Variants in PTPRD observed in about 807,000 individuals in gnomAD.
PTPRD encodes the protein receptor-type tyrosine-protein phosphatase delta.
A neutral mutation model predicts 214.5 loss-of-function variants in PTPRD; 34 were observed. The ratio of observed to expected loss-of-function variants is 0.16; its 90% CI spans 0.12 to 0.21. The LOEUF (loss-of-function observed/expected upper bound fraction) is 0.21, where lower values mean the gene tolerates loss of function less well. Ranked by LOEUF, PTPRD falls within the 10% of genes least tolerant of loss-of-function variation. PTPRD has a pLI of 1.00. For missense variants in PTPRD, 2,545 were observed against 2,398.7 expected, an observed-to-expected ratio of 1.06 and a Z score of -1.27; for synonymous variants, 1,128 against 845.7, an observed-to-expected ratio of 1.33 and a Z score of -5.79.
intron 8 of PTPRD, among the ~76,000 whole-genome samples, chr9:9,555,426 C>T (rs1264918566): frequency 6.6e-6 from 1 of 151,994 alleles, no homozygotes; most frequent in East Asian, 1.9e-4. Context: ...ATAAATAACC[C>T]TGTAGAGTGA....
chr9:9,853,401 C>T (rs555592613), intron 5 of PTPRD, among the ~76,000 whole-genome samples: 2 of 152,210 alleles, frequency 1.3e-5, no homozygotes, highest in African/African-American at 4.8e-5. Flanking sequence ...TGTTTCAGGA[C>T]CATATGAAAA....
intron 33 of PTPRD, chr9:8,454,706 G>C: frequency 1.7e-6 from 2 of 1,151,818 alleles, no homozygotes; most frequent in Non-Finnish European, 2.5e-6. Context: ...TCACAAGCAA[G>C]GACACATAAC....
chr9:9,536,204 G>C (rs553432831), intron 8 of PTPRD, among the ~76,000 whole-genome samples: 1 of 151,858 alleles, frequency 6.6e-6, no homozygotes, highest in South Asian at 2.1e-4. Flanking sequence ...ACATATTTTT[G>C]TATGTATCTC....
chr9:9,128,327 A>T (rs1272591356), intron 10 of PTPRD, among the ~76,000 whole-genome samples: 1 of 152,232 alleles, frequency 6.6e-6, no homozygotes, highest in Non-Finnish European at 1.5e-5. Flanking sequence ...TTGCGCACAG[A>T]AACATAAACA....
chr9:8,645,015 G>C (rs1404874553), intron 12 of PTPRD, among the ~76,000 whole-genome samples: 2 of 152,210 alleles, frequency 1.3e-5, no homozygotes, highest in African/African-American at 4.8e-5. Flanking sequence ...TATTTTCACT[G>C]TGCCAAATTA....
At chr9:10,486,432 T>C (rs887700034) in intron 2 of PTPRD, among the ~76,000 whole-genome samples, 3 of 152,198 alleles carry the variant, frequency 2.0e-5, no homozygotes, top group African/African-American at 4.8e-5. Context: ...GTTTACTGAA[T>C]AGGAGATTCT....
chr9:8,354,958 G>T (rs2076593172), intron 39 of PTPRD, among the ~76,000 whole-genome samples: 1 of 152,134 alleles, frequency 6.6e-6, no homozygotes, highest in Admixed American at 6.5e-5. Flanking sequence ...GAATTAAGTG[G>T]TTTTTAAAGC....
intron 5 of PTPRD, among the ~76,000 whole-genome samples, chr9:9,902,758 G>A (rs2076692882): frequency 6.6e-6 from 1 of 152,064 alleles, no homozygotes; most frequent in Admixed American, 6.6e-5. Flanking sequence ...ATAAAACTCA[G>A]GTGAACTTGG....
At chr9:9,245,720 G>A (rs918994362) in intron 9 of PTPRD, among the ~76,000 whole-genome samples, 5 of 152,084 alleles carry the variant, frequency 3.3e-5, no homozygotes, top group Non-Finnish European at 7.4e-5. Context: ...GTATACATAT[G>A]TAACAAACCT....
At chr9:9,224,232 T>C (rs1404399212) in intron 9 of PTPRD, among the ~76,000 whole-genome samples, 6 of 152,016 alleles carry the variant, frequency 3.9e-5, no homozygotes, top group Non-Finnish European at 5.9e-5. Context: ...CCTAGGCACA[T>C]GACTCCTGCT....
chr9:8,343,454 C>T (rs1854452883), intron 39 of PTPRD, among the ~76,000 whole-genome samples: 1 of 151,994 alleles, frequency 6.6e-6, no homozygotes, highest in African/African-American at 2.4e-5. Flanking sequence ...GACCAATTGG[C>T]AACCTGATGC....
rs776116080 is a variant in PTPRD, at chr9:9,024,907, G to A, written c.-142-6172C>T. Among the ~76,000 whole-genome samples, 140 of 151,888 alleles carry A rather than the reference G, an allele frequency of 9.2e-4. 4 individuals are homozygous for A. Among genetic ancestry groups the A allele is most frequent in the Admixed American group, 4.6e-4 (7 of 15,212 alleles). On this transcript the variant is annotated intron_variant, in intron 10 of 45. Transcript: ENST00000381196. ...GATTCATCCTAAAAACCAAGGGAAAGTTTAACAGCTTTTTTACTTCAACTA... is the reference window on the plus strand; with the variant it reads ...GATTCATCCTAAAAACCAAGGGAAAATTTAACAGCTTTTTTACTTCAACTA...
intron 34 of PTPRD, among the ~76,000 whole-genome samples, chr9:8,448,079 C>T (rs965105786): frequency 7.2e-5 from 11 of 152,008 alleles, no homozygotes; most frequent in African/African-American, 2.2e-4. Context: ...AATCCCAGCC[C>T]TTTGGGAGGC....
intron 9 of PTPRD, among the ~76,000 whole-genome samples, chr9:9,278,841 C>G (rs915132121): frequency 6.6e-6 from 1 of 151,160 alleles, no homozygotes; most frequent in African/African-American, 2.4e-5. Flanking sequence ...TTTCCTCTCT[C>G]TCACTATTCA....
rs773293867 is a variant in PTPRD at position 8,375,987 on chromosome 9, C to G, written c.4610G>C (p.Arg1537Thr). The change falls in exon 39 of 46, where the codon AGA (arginine) becomes ACA (threonine). Residue 1537 changes from arginine to threonine, a missense_variant. Coordinates refer to ENST00000381196, the MANE Select transcript of PTPRD (RefSeq NM_002839.4). ...ATCGGGAGGGTTACAGGTTTTGACT[C>G]TACGTAAGAAAGCTAGAAAAGGTGT... is the stretch of plus-strand genomic sequence containing the variant. ...HPTPFLAFLR[R>T]VKTCNPPDAG... 1 of 1,612,864 alleles carries G rather than the reference C, an allele frequency of 6.2e-7. No individual in the cohort carries two copies. The highest frequency in any genetic ancestry group is 8.5e-7 in the Non-Finnish European group (1 of 1,179,232).
chr9:9,391,948 T>G (rs2140944376), intron 9 of PTPRD, among the ~76,000 whole-genome samples: 1 of 152,252 alleles, frequency 6.6e-6, no homozygotes, highest in African/African-American at 2.4e-5. Flanking sequence ...GTTCACTCAA[T>G]TTTCCACATT....
At chr9:9,851,895 T>A (rs959871421) in intron 5 of PTPRD, among the ~76,000 whole-genome samples, 8 of 152,182 alleles carry the variant, frequency 5.3e-5, no homozygotes, top group African/African-American at 7.2e-5. Context: ...ATTGACAACA[T>A]CATTGTCATA....
At chr9:9,465,951 AT>A (rs57094888) in intron 8 of PTPRD, among the ~76,000 whole-genome samples, 72,453 of 151,628 alleles carry the variant, frequency 0.48, 17,750 homozygotes, top group East Asian at 0.67. Context: ...AATTGTGCTT[AT>A]TTTTTGCCAG....
chr9:9,816,274 C>T (rs2048742411), intron 5 of PTPRD, among the ~76,000 whole-genome samples: 1 of 151,968 alleles, frequency 6.6e-6, no homozygotes, highest in African/African-American at 2.4e-5. Flanking sequence ...AAATATAAAT[C>T]AATATATTCA....
Sources: allele counts gnomAD v4.1 joint callset (sites outside exome capture counted in the v4.1 genomes callset), GRCh38; gene constraint gnomAD v4.1.1; transcripts MANE v1.5; gene names NCBI Gene and HGNC (gene_info 2026-07-23, HGNC 2026-07-21).